Variants in PTPRD observed in about 807,000 individuals in gnomAD.
The protein encoded by PTPRD is protein tyrosine phosphatase receptor type D, also known as receptor-type tyrosine-protein phosphatase delta.
PTPRD carries 34 observed loss-of-function variants against 214.5 expected under a neutral mutation model. The observed-to-expected ratio is 0.16, with a 90% confidence interval of 0.12 to 0.21. PTPRD has a LOEUF of 0.21. Ranked by LOEUF, PTPRD falls within the 10% of genes least tolerant of loss-of-function variation. The probability of loss-of-function intolerance (pLI) is 1.00; values close to 1 mark genes in which losing one functional copy is unlikely to be tolerated. For missense variants in PTPRD, 2,545 were observed against 2,398.7 expected (o/e 1.06, Z -1.27); for synonymous variants, 1,128 against 845.7 (o/e 1.33, Z -5.79).
intron 2 of PTPRD, among the ~76,000 whole-genome samples, chr9:10,409,238 T>C (rs1048848185): frequency 6.6e-6 from 1 of 151,816 alleles, no homozygotes; most frequent in Admixed American, 6.6e-5. Flanking sequence ...TATAGAAATA[T>C]CTTTTGATGA....
chr9:9,854,662 G>T (rs965576193), intron 5 of PTPRD, among the ~76,000 whole-genome samples: 1 of 151,490 alleles, frequency 6.6e-6, no homozygotes, highest in African/African-American at 2.4e-5. Context: ...ACTTGTTTTT[G>T]ATTACTTATC....
rs574896714 is a variant in PTPRD, at chr9:9,349,051, C to T, written c.-203+48398G>A. ...TTGTAGCCAATTACTATTACAGTGG[C>T]GGGCGGGTATCATAGTGCCATTGTG... On this transcript the variant is annotated intron_variant, in intron 9 of 45. Transcript: ENST00000381196. Among the ~76,000 whole-genome samples, 241 of 151,960 alleles carry T rather than the reference C, an allele frequency of 1.6e-3. 2 individuals carry two copies. The highest frequency in any genetic ancestry group is 5.1e-3 in the African/African-American group (211 of 41,478).
At chr9:8,524,690 T>G in intron 18 of PTPRD, 1 of 607,288 alleles carries the variant, frequency 1.6e-6, no homozygotes, top group East Asian at 2.9e-5. Flanking sequence ...GATGTAAAAA[T>G]GCAAATATAC....
chr9:9,849,143 G>A (rs1045215097), intron 5 of PTPRD, among the ~76,000 whole-genome samples: 7 of 151,812 alleles, frequency 4.6e-5, no homozygotes, highest in Non-Finnish European at 8.8e-5. Flanking sequence ...TTTACTTTCC[G>A]TTCAAAGTTG....
chr9:10,278,573 T>C (rs1218824187), intron 3 of PTPRD, among the ~76,000 whole-genome samples: 3 of 152,156 alleles, frequency 2.0e-5, no homozygotes, highest in African/African-American at 7.2e-5. Context: ...TGTGTGTGTG[T>C]TGCTGCTCCA....
chr9:10,274,865 G>T (rs1489338954), intron 3 of PTPRD, among the ~76,000 whole-genome samples: 2 of 152,108 alleles, frequency 1.3e-5, no homozygotes, highest in African/African-American at 4.8e-5. Flanking sequence ...AGCAGCAATG[G>T]AAATGTGCCC....
intron 11 of PTPRD, among the ~76,000 whole-genome samples, chr9:8,816,927 G>A (rs1267106551): frequency 6.6e-6 from 1 of 152,148 alleles, no homozygotes; most frequent in East Asian, 1.9e-4. Flanking sequence ...TCATTTCTTT[G>A]CAAACCTGTG....
intron 2 of PTPRD, among the ~76,000 whole-genome samples, chr9:10,494,951 C>T (rs937425358): frequency 7.3e-5 from 11 of 151,516 alleles, no homozygotes; most frequent in African/African-American, 2.7e-4. Flanking sequence ...GTATTGTTGC[C>T]ATATCATCAC....
chr9:10,366,143 T>G (rs2097511517), intron 2 of PTPRD, among the ~76,000 whole-genome samples: 1 of 152,172 alleles, frequency 6.6e-6, no homozygotes, highest in African/African-American at 2.4e-5. Flanking sequence ...TCATCTTTGG[T>G]TGAAACATGC....
intron 9 of PTPRD, among the ~76,000 whole-genome samples, chr9:9,341,378 T>C (rs1369011824): frequency 1.3e-5 from 2 of 151,968 alleles, no homozygotes; most frequent in East Asian, 1.9e-4. Flanking sequence ...GAACTCATTA[T>C]CCCCCCAGGG....
intron 14 of PTPRD, among the ~76,000 whole-genome samples, chr9:8,603,086 C>T (rs1249620044): frequency 1.3e-5 from 2 of 152,124 alleles, no homozygotes; most frequent in Non-Finnish European, 1.5e-5. Context: ...AAGTAGTATT[C>T]TATTACCTGC....
intron 8 of PTPRD, among the ~76,000 whole-genome samples, chr9:9,418,306 T>G (rs1259620090): frequency 6.6e-6 from 1 of 152,032 alleles, no homozygotes; most frequent in Non-Finnish European, 1.5e-5. Context: ...ATTCATAGTT[T>G]CTTATGTCTA....
chr9:8,776,442 C>T (rs746405650), intron 11 of PTPRD, among the ~76,000 whole-genome samples: 7 of 152,084 alleles, frequency 4.6e-5, no homozygotes, highest in Admixed American at 1.3e-4. Flanking sequence ...GCTGGGACTA[C>T]AGGTGCACAC....
Position 10,402,969 on chromosome 9 carries a change from C to T in PTPRD, c.-599-61952G>A, listed in dbSNP as rs186097040. ...CGCTTTTCACCGCTTCCTCACAGCA[C>T]ATCAATTATTTAATTCTTAGAAACT... On this transcript the variant is annotated intron_variant, in intron 2 of 45. Coordinates refer to ENST00000381196, the MANE Select transcript of PTPRD (RefSeq NM_002839.4). 3.3e-5 allele frequency among the ~76,000 whole-genome samples: 5 copies of T among 151,392 alleles called. No individual in the cohort carries two copies. The East Asian group carries it at 9.8e-4, about 30-fold the overall frequency.
At chr9:9,042,253 A>C in intron 10 of PTPRD, among the ~76,000 whole-genome samples, 1 of 152,186 alleles carries the variant, frequency 6.6e-6, no homozygotes, top group Non-Finnish European at 1.5e-5. Context: ...AGAAGAAAGA[A>C]AATGCTTCCC....
intron 2 of PTPRD, among the ~76,000 whole-genome samples, chr9:10,579,424 T>A (rs1040448489): frequency 6.6e-6 from 1 of 152,168 alleles, no homozygotes; most frequent in Non-Finnish European, 1.5e-5. Flanking sequence ...GCTGCACCCA[T>A]GTTGCTGCAA....
intron 33 of PTPRD, among the ~76,000 whole-genome samples, chr9:8,453,418 C>T (rs1238638818): frequency 6.6e-6 from 1 of 152,232 alleles, no homozygotes; most frequent in South Asian, 2.1e-4. Flanking sequence ...CCCGCCTCAG[C>T]CTCCCAGAGT....
intron 14 of PTPRD, among the ~76,000 whole-genome samples, chr9:8,554,865 G>A (rs894857524): frequency 1.3e-5 from 2 of 152,114 alleles, no homozygotes; most frequent in Middle Eastern, 3.4e-3. Context: ...TCATTTTTAC[G>A]GGCTTTGGTG....
In PTPRD at chr9:9,353,585, A is replaced by G. The variant is rs529362950; in HGVS notation, c.-203+43864T>C. Among the ~76,000 whole-genome samples the G allele has an allele frequency of 9.3e-4, 141 of 151,730 alleles. 1 individual carries two copies. Among genetic ancestry groups the G allele is most frequent in the Middle Eastern group, 3.4e-3 (1 of 294 alleles). On this transcript the variant is annotated intron_variant, in intron 9 of 45. Coordinates refer to ENST00000381196, the MANE Select transcript of PTPRD (RefSeq NM_002839.4). Reference sequence around the variant, plus strand: ...CTTTTTTCTATTCACTTTACATAGGACCTTGTCTTACGTATATATTGGCCT... The same window carrying G: ...CTTTTTTCTATTCACTTTACATAGGGCCTTGTCTTACGTATATATTGGCCT...
Sources: gnomAD v4.1 joint callset for allele counts (sites outside exome capture counted in the v4.1 genomes callset) on GRCh38, gnomAD v4.1.1 for gene constraint, MANE v1.5 for transcripts, NCBI Gene and HGNC (gene_info 2026-07-23, HGNC 2026-07-21) for gene names.